The following TBL1XR1 variants were observed in gnomAD, a reference collection of about 807,000 sequenced individuals.
TBL1XR1 encodes the protein F-box-like/WD repeat-containing protein TBL1XR1.
Under a neutral mutation model 66.9 loss-of-function variants are expected in TBL1XR1, and 5 were observed. The ratio of observed to expected loss-of-function variants is 0.07; its 90% confidence interval spans 0.04 to 0.16. The LOEUF is 0.16. Ranked by LOEUF, TBL1XR1 falls within the 10% of genes least tolerant of loss-of-function variation. The pLI is 1.00. For synonymous variants in TBL1XR1, 210 were observed against 206.0 expected (o/e 1.02, Z -0.17); for missense variants, 238 against 623.2 (o/e 0.38, Z 6.58).
At position 177,197,321 on chromosome 3, in the gene TBL1XR1, G is replaced by C. The variant is rs903590518; in HGVS notation, c.-322C>G. On this transcript the variant is annotated 5_prime_UTR_variant, in exon 1 of 16. Coordinates refer to ENST00000457928, the MANE Select transcript of TBL1XR1 (RefSeq NM_024665.7). ...GGCGGGGGCGGGGAGCGCGGCGCGG[G>C]TCCCCAGGTGGCGAGCGGAGGTGCT... The C allele has an allele frequency of 2.7e-5, 4 of 146,840 alleles. No individual in the cohort carries two copies. In the South Asian group the frequency reaches 5.5e-4, roughly 20 times the overall value. The allele number at this position is 146,840 out of a possible 1,614,324, so 9.1% of individuals were successfully genotyped here.
At position 177,131,241 on chromosome 3, in the gene TBL1XR1, C is replaced by T. The variant is rs1354742484; in HGVS notation, c.-121-32700G>A. 1.9e-5 allele frequency: 12 copies of T among 615,420 alleles called. No individual in the cohort carries two copies. The East Asian group carries it at 1.1e-3, about 58-fold the overall frequency. 38.1% of individuals were successfully genotyped at this position (615,420 alleles called of 1,614,324 possible). A position where few individuals can be genotyped will look rare whatever the true frequency, so the allele number is the denominator to read the frequency against. On this transcript the variant is annotated intron_variant, in intron 1 of 15. Transcript: ENST00000457928. ...CATACTGAATGCCTAACTCTTCATT[C>T]AAAGACACATAGCAACACACACAAA...
chr3:177,141,483 C>A (rs187070479), intron 1 of TBL1XR1, among the ~76,000 whole-genome samples: 87 of 152,306 alleles, frequency 5.7e-4, no homozygotes, highest in African/African-American at 1.9e-3. Context: ...TATTAAACTA[C>A]ATATAAATCG....
intron 1 of TBL1XR1, among the ~76,000 whole-genome samples, chr3:177,152,398 G>A (rs769028073): frequency 7.2e-5 from 11 of 151,808 alleles, no homozygotes; most frequent in African/African-American, 1.2e-4. Flanking sequence ...TCACTGCAAC[G>A]TCCGCCTCCT....
chr3:177,074,440 T>C (rs1390418773), intron 2 of TBL1XR1, among the ~76,000 whole-genome samples: 2 of 152,126 alleles, frequency 1.3e-5, no homozygotes, highest in Non-Finnish European at 2.9e-5. Flanking sequence ...TAGGGAAAAA[T>C]GTGAGTAAGC....
intron 1 of TBL1XR1, among the ~76,000 whole-genome samples, chr3:177,186,994 G>A (rs760597274): frequency 2.0e-5 from 3 of 151,992 alleles, no homozygotes; most frequent in African/African-American, 4.8e-5. Context: ...ATGAAACCCC[G>A]TCTCTCCTAA....
intron 1 of TBL1XR1, among the ~76,000 whole-genome samples, chr3:177,184,321 C>T (rs1490420716): frequency 6.6e-6 from 1 of 152,122 alleles, no homozygotes; most frequent in Non-Finnish European, 1.5e-5. Flanking sequence ...TCCACAAATC[C>T]CATTGTGCCA....
chr3:177,199,241 T>C (rs1255749506), upstream of TBL1XR1, among the ~76,000 whole-genome samples: 1 of 152,230 alleles, frequency 6.6e-6, no homozygotes, highest in Non-Finnish European at 1.5e-5. Flanking sequence ...TCCAAAACAC[T>C]ATGCAGAGTG....
intron 1 of TBL1XR1, among the ~76,000 whole-genome samples, chr3:177,114,521 G>T (rs1421907206): frequency 2.6e-5 from 4 of 151,346 alleles, no homozygotes; most frequent in Non-Finnish European, 4.4e-5. Context: ...GGCTAGTCTT[G>T]AACTCCTGGG....
chr3:177,050,791 TTTAA>T, intron 5 of TBL1XR1, among the ~76,000 whole-genome samples, 181 bp from the exon 6 acceptor site: 1 of 151,014 alleles, frequency 6.6e-6, no homozygotes. Context: ...AATTCTTATC[TTTAA>T]TTAAGTATTG....
chr3:177,084,471 G>A (rs1385820873), intron 2 of TBL1XR1, among the ~76,000 whole-genome samples: 1 of 152,234 alleles, frequency 6.6e-6, no homozygotes, highest in African/African-American at 2.4e-5. Context: ...AATCCAAGTT[G>A]CTGCAGACAT....
chr3:177,144,840 T>C (rs866221623), intron 1 of TBL1XR1, among the ~76,000 whole-genome samples: 14 of 152,244 alleles, frequency 9.2e-5, no homozygotes, highest in Admixed American at 3.9e-4. Flanking sequence ...ACTTTACACA[T>C]GAAAATTTGA....
intron 1 of TBL1XR1, among the ~76,000 whole-genome samples, chr3:177,111,515 G>T (rs1309568134): frequency 6.6e-6 from 1 of 152,018 alleles, no homozygotes; most frequent in Non-Finnish European, 1.5e-5. Context: ...GGCCAGGCTG[G>T]TCTTGAACTC....
At chr3:177,163,467 C>A (rs1186386320) in intron 1 of TBL1XR1, among the ~76,000 whole-genome samples, 1 of 151,772 alleles carries the variant, frequency 6.6e-6, no homozygotes, top group Non-Finnish European at 1.5e-5. Flanking sequence ...CAAGATCATG[C>A]CATTACCATC....
intron 1 of TBL1XR1, among the ~76,000 whole-genome samples, chr3:177,169,271 T>C (rs1220532703): frequency 1.3e-5 from 2 of 152,212 alleles, no homozygotes; most frequent in Non-Finnish European, 2.9e-5. Flanking sequence ...ATCATTAGCC[T>C]AAAGGAGAAA....
At chr3:177,142,065 AGTTGCTTAATGGGCACAGAGTTTC>A (rs1196711662) in intron 1 of TBL1XR1, among the ~76,000 whole-genome samples, 12 of 152,240 alleles carry the variant, frequency 7.9e-5, no homozygotes, top group Admixed American at 3.9e-4. Context: ...AATGAGAAGA[AGTTGCTTAATGGGCACAGAGTTTC>A]AGTTTTGCAG....
intron 7 of TBL1XR1, 60 bp from the exon 8 acceptor site, chr3:177,047,609 A>G (rs991149665): frequency 1.3e-6 from 2 of 1,528,086 alleles, no homozygotes; most frequent in East Asian, 2.3e-5. Flanking sequence ...AATTGTTGTT[A>G]AAGTATTTCA....
intron 1 of TBL1XR1, among the ~76,000 whole-genome samples, chr3:177,129,105 T>C (rs184254817): frequency 2.6e-5 from 4 of 152,226 alleles, no homozygotes; most frequent in Admixed American, 2.0e-4. Context: ...CAAAAGACAG[T>C]AGGCCCACAG....
At chr3:177,134,322 T>C (rs946245169) in intron 1 of TBL1XR1, among the ~76,000 whole-genome samples, 9 of 152,080 alleles carry the variant, frequency 5.9e-5, no homozygotes, top group Non-Finnish European at 1.2e-4. Flanking sequence ...ACAAGTCACA[T>C]AGCAACAAGC....
intron 2 of TBL1XR1, among the ~76,000 whole-genome samples, chr3:177,092,235 C>T (rs6781709): frequency 4.7e-4 from 72 of 152,138 alleles, no homozygotes; most frequent in African/African-American, 1.6e-3. Context: ...ATACTTAGCA[C>T]CACCTGTGAA....
Sources: allele counts gnomAD v4.1 joint callset (sites outside exome capture counted in the v4.1 genomes callset), GRCh38; gene constraint gnomAD v4.1.1; transcripts MANE v1.5; gene names NCBI Gene and HGNC (gene_info 2026-07-23, HGNC 2026-07-21).